CC2D2B: variants seen among roughly 807,000 people sequenced by gnomAD.
CC2D2B encodes the protein protein CC2D2B.
CC2D2B carries 128 observed loss-of-function variants against 161.2 expected under a neutral mutation model. The observed-to-expected ratio is 0.79, with a 90% CI of 0.69 to 0.92. The LOEUF is 0.92. CC2D2B is among the 40% of genes least tolerant of loss of function. The pLI, the probability that CC2D2B is intolerant of heterozygous loss-of-function variation, is 0.00. For synonymous variants in CC2D2B, 391 were observed against 449.8 expected, an observed-to-expected ratio of 0.87 and a Z score of 1.65; for missense variants, 1,173 against 1,375.1, an observed-to-expected ratio of 0.85 and a Z score of 2.32.
Position 96,004,079 on chromosome 10 carries a change from A to G in CC2D2B, c.2850-73A>G, listed in dbSNP as rs966892807. ...AACACAGGTAATTTTATAGTTCTTT[A>G]TGAATAGTGCTCTTAGGAAATAAGT... is the stretch of plus-strand genomic sequence containing the variant. On this transcript the variant is annotated intron_variant, in intron 24 of 34. Transcript: ENST00000646931. 15 of 851,232 alleles carry G rather than the reference A, an allele frequency of 1.8e-5. 1 individual carries two copies. The South Asian group carries it at 2.6e-4, about 15-fold the overall frequency. 52.7% of individuals were successfully genotyped at this position (851,232 alleles called of 1,614,324 possible).
chr10:96,008,708 G>A (rs777992927), intron 25 of CC2D2B, among the ~76,000 whole-genome samples: 1 of 151,892 alleles, frequency 6.6e-6, no homozygotes, highest in Admixed American at 6.6e-5. Context: ...TTTTTGGTGA[G>A]GTGTCTGTTC....
At chr10:96,026,607 G>T (rs2079788998) in intron 33 of CC2D2B, among the ~76,000 whole-genome samples, 1 of 152,150 alleles carries the variant, frequency 6.6e-6, no homozygotes, top group Admixed American at 6.5e-5. Context: ...GGTAGGTGTT[G>T]TCAAATCACA....
chr10:95,934,552 A>G (rs1447063087), intron 6 of CC2D2B, among the ~76,000 whole-genome samples: 1 of 152,186 alleles, frequency 6.6e-6, no homozygotes, highest in Non-Finnish European at 1.5e-5. Flanking sequence ...TAGGCCCCCA[A>G]GGGAATCTCC....
intron 9 of CC2D2B, among the ~76,000 whole-genome samples, chr10:95,943,449 G>T (rs944306197): frequency 6.6e-6 from 1 of 152,042 alleles, no homozygotes; most frequent in Non-Finnish European, 1.5e-5. Flanking sequence ...CTGTCTAGTT[G>T]CTCTGCCTCT....
At chr10:95,924,704 T>G (rs909112404) in intron 4 of CC2D2B, 75 bp from the exon 5 acceptor site, 7 of 953,544 alleles carry the variant, frequency 7.3e-6, no homozygotes, top group African/African-American at 1.7e-5. Flanking sequence ...TATTGATATT[T>G]ATAAATTTTG....
intron 24 of CC2D2B, among the ~76,000 whole-genome samples, chr10:95,996,620 C>G (rs145544300): frequency 1.3e-5 from 2 of 152,240 alleles, no homozygotes; most frequent in African/African-American, 4.8e-5. Context: ...TTCTTTCTCT[C>G]CTGTATGACT....
chr10:95,908,727 G>A (rs1179897064), intron 1 of CC2D2B, among the ~76,000 whole-genome samples: 1 of 143,528 alleles, frequency 7.0e-6, no homozygotes, highest in Non-Finnish European at 1.6e-5. Context: ...TCTAATTGAG[G>A]CTATAAGTAT....
rs192234467 is a variant in CC2D2B, at chr10:95,926,984, T to G, written c.241-253T>G. 3.3e-5 allele frequency among the ~76,000 whole-genome samples: 5 copies of G among 152,170 alleles called. No individual in the cohort carries two copies. In the East Asian group the frequency reaches 9.6e-4, roughly 29 times the overall value. On this transcript the variant is annotated intron_variant, in intron 5 of 34. Coordinates refer to ENST00000646931, the MANE Select transcript of CC2D2B (RefSeq NM_001349008.3). The stretch of plus-strand genomic sequence containing the variant: ...CCCAGACTATAGTGAGGAGATAGTT[T>G]GGGAAGATGGAGAAGATTCTGGCTG...
intron 24 of CC2D2B, among the ~76,000 whole-genome samples, chr10:96,002,097 A>G (rs1463544571): frequency 6.6e-6 from 1 of 152,240 alleles, no homozygotes; most frequent in Non-Finnish European, 1.5e-5. Flanking sequence ...TGTATTAAAT[A>G]AATTTAGGAG....
In CC2D2B at chr10:95,998,078, G is replaced by C. The variant is rs184619701; in HGVS notation, c.2849+1826G>C. Among the ~76,000 whole-genome samples, 590 of 149,802 alleles carry C rather than the reference G, an allele frequency of 3.9e-3. 1 individual carries two copies. The highest frequency in any genetic ancestry group is 5.5e-3 in the Non-Finnish European group (369 of 67,300). On this transcript the variant is annotated intron_variant, in intron 24 of 34. Coordinates refer to ENST00000646931, the MANE Select transcript of CC2D2B (RefSeq NM_001349008.3). ...TTTATAATTTCTTTTTAAAGAGGCA[G>C]TTTTTTTTTCAATTTTTTTTAAATT...
At chr10:95,912,346 C>T (rs926340879) in intron 2 of CC2D2B, among the ~76,000 whole-genome samples, 4 of 152,116 alleles carry the variant, frequency 2.6e-5, no homozygotes, top group African/African-American at 9.7e-5. Context: ...TTTTAACATA[C>T]TGAATTTTTG....
chr10:95,928,972 A>G (rs533062832), intron 6 of CC2D2B, among the ~76,000 whole-genome samples: 18 of 152,078 alleles, frequency 1.2e-4, no homozygotes, highest in Non-Finnish European at 2.5e-4. Flanking sequence ...ATCCTTAGGG[A>G]ATTGCCACAC....
At chr10:96,009,205 G>A (rs1181977039) in intron 25 of CC2D2B, among the ~76,000 whole-genome samples, 1 of 152,056 alleles carries the variant, frequency 6.6e-6, no homozygotes, top group East Asian at 1.9e-4. Flanking sequence ...ACAGCATACA[G>A]TTGAGTCTTG....
intron 6 of CC2D2B, among the ~76,000 whole-genome samples, chr10:95,930,963 T>C (rs933502853): frequency 7.2e-5 from 11 of 152,188 alleles, no homozygotes; most frequent in East Asian, 5.8e-4. Context: ...GGGAATGATA[T>C]CAGCTCCTCT....
At chr10:96,013,767 T>C (rs752648077) in intron 28 of CC2D2B, 21 bp from the exon 29 acceptor site, 6 of 1,483,064 alleles carry the variant, frequency 4.0e-6, no homozygotes, top group Admixed American at 1.7e-5. Context: ...ACACACTCAA[T>C]AAATGTGAAT....
intron 2 of CC2D2B, among the ~76,000 whole-genome samples, chr10:95,911,562 T>C (rs1295227859): frequency 3.9e-5 from 6 of 152,188 alleles, no homozygotes; most frequent in Non-Finnish European, 1.5e-5. Context: ...GAATTATTTA[T>C]GTATGTATTT....
Position 95,938,781 on chromosome 10 carries a change from TAAA to T in CC2D2B, c.673-15_673-13del. 1 of 706,504 alleles carries T rather than the reference TAAA, an allele frequency of 1.4e-6. No individual in the cohort carries two copies. The highest frequency in any genetic ancestry group is 2.7e-5 in the East Asian group (1 of 37,198). The allele number at this position is 706,504 out of a possible 1,614,324, so 43.8% of individuals were successfully genotyped here. A position where few individuals can be genotyped will look rare whatever the true frequency, so the allele number is the denominator to read the frequency against. On this transcript the variant is annotated splice_polypyrimidine_tract_variant and intron_variant, in intron 8 of 34. Transcript: ENST00000646931. ...TAGCAAAATATTTAATTACTATACTTAAATATTTTTGATAGGGAAAATGTTGGT... is the reference window on the plus strand; with the variant it reads ...TAGCAAAATATTTAATTACTATACTTTATTTTTGATAGGGAAAATGTTGGT...
At chr10:95,993,946 GTATGTGTA>G (rs1189124600) in intron 22 of CC2D2B, among the ~76,000 whole-genome samples, 478 of 28,894 alleles carry the variant, frequency 0.017, 1 homozygote, top group Non-Finnish European at 0.027. Flanking sequence ...GTGTGTGTAT[GTATGTGTA>G]TATATATATA....
chr10:95,994,260 C>G (rs1352196791), intron 22 of CC2D2B, among the ~76,000 whole-genome samples: 1 of 151,784 alleles, frequency 6.6e-6, no homozygotes, highest in Admixed American at 6.6e-5. Flanking sequence ...GATCATGGGA[C>G]AGGGGGCCCT....
Sources: gnomAD v4.1 joint callset for allele counts (sites outside exome capture counted in the v4.1 genomes callset) on GRCh38, gnomAD v4.1.1 for gene constraint, MANE v1.5 for transcripts, NCBI Gene and HGNC (gene_info 2026-07-23, HGNC 2026-07-21) for gene names.